The following NXF1 variants were observed in gnomAD, a reference collection of about 807,000 sequenced individuals.
NXF1 encodes the protein nuclear RNA export factor 1.
In NXF1, 43 loss-of-function variants were observed where a neutral mutation model predicts 92.4. The observed-to-expected ratio is 0.47, with a 90% CI of 0.36 to 0.60. The LOEUF (loss-of-function observed/expected upper bound fraction) is 0.60, where lower values mean the gene tolerates loss of function less well. Ranked by LOEUF, NXF1 falls within the 20% of genes least tolerant of loss-of-function variation. The pLI, the probability that NXF1 is intolerant of heterozygous loss-of-function variation, is 0.00. For missense variants in NXF1, 576 were observed against 793.0 expected (o/e 0.73, Z 3.29); for synonymous variants, 288 against 292.2 (o/e 0.99, Z 0.15).
intron 9 of NXF1, 80 bp from the exon 10 acceptor site, chr11:62,800,566 CT>C: frequency 1.2e-6 from 1 of 844,978 alleles, no homozygotes; most frequent in Non-Finnish European, 1.9e-6. Context: ...AGTCCCTACG[CT>C]TAGCTCTGAG....
chr11:62,794,186 GTC>G (rs2084397539), intron 19 of NXF1, 70 bp downstream of exon 19: 1 of 1,423,028 alleles, frequency 7.0e-7, no homozygotes, highest in Non-Finnish European at 9.6e-7. Flanking sequence ...CAAAAAAACT[GTC>G]AGGAGCCCTC....
At chr11:62,801,899 C>A in intron 5 of NXF1, 43 bp downstream of exon 5, 4 of 1,605,344 alleles carry the variant, frequency 2.5e-6, no homozygotes, top group Non-Finnish European at 3.4e-6. Context: ...CTGCTCTGAG[C>A]ACCAACCTCC....
In NXF1 at chr11:62,805,342, C is replaced by T. The variant is rs2084525871; in HGVS notation, c.15G>A (p.Gly5=). ...ACCAGCACTTACCGCTGTACGACTT[C>T]CCCTCGTCCGCCATGCCACAGCGAA... MADE[G]KSYSEHDDER... The change falls in exon 1 of 21, where the codon GGG becomes GGA. Residue 5 remains glycine, a synonymous_variant. Transcript: ENST00000294172. The T allele has an allele frequency of 1.9e-6, 3 of 1,611,374 alleles. No homozygotes were observed. The highest frequency in any genetic ancestry group is 1.3e-5 in the African/African-American group (1 of 74,724).
At chr11:62,799,118 G>T in intron 10 of NXF1, 1 of 984,112 alleles carries the variant, frequency 1.0e-6, no homozygotes, top group Non-Finnish European at 1.2e-6. Context: ...GATGGGGCAG[G>T]GGCAAGGGAG....
intron 10 of NXF1, chr11:62,798,803 T>G (rs2084448086): frequency 7.4e-7 from 1 of 1,357,494 alleles, no homozygotes; most frequent in Non-Finnish European, 9.5e-7. Flanking sequence ...TGCCTGACCC[T>G]GAGTGTCAAG....
Position 62,792,907 on chromosome 11 carries a change from G to A in NXF1, c.1761-206C>T, listed in dbSNP as rs923461778. 89 of 585,400 alleles carry A rather than the reference G, an allele frequency of 1.5e-4. No homozygotes were observed. The Admixed American group carries it at 2.7e-3, about 18-fold the overall frequency. The allele number at this position is 585,400 out of a possible 1,614,324, so 36.3% of individuals were successfully genotyped here. On this transcript the variant is annotated intron_variant, in intron 19 of 20. Transcript: ENST00000294172. ...ATAAGGAATATTAAATAGCTGTCAA[G>A]AAGCTCAAGATAGTTTTTACAGTGG... is the stretch of plus-strand genomic sequence containing the variant.
chr11:62,801,124 G>A lies in NXF1; in HGVS notation c.876C>T (p.Asn292=). The A allele has an allele frequency of 1.2e-6, 2 of 1,614,102 alleles. No individual in the cohort carries two copies. The highest frequency in any genetic ancestry group is 1.7e-6 in the Non-Finnish European group (2 of 1,179,956). Residue 292 remains asparagine, a synonymous_variant, in exon 9 of 21, where the codon AAC becomes AAT. Coordinates refer to ENST00000294172, the MANE Select transcript of NXF1 (RefSeq NM_006362.5). ...TTCCAGAAAGGTTTAGGATCTTCAG[G>A]TTGGGTGCCTTCTGAACAATGCTAG... ...DMSSIVQKAP[N]LKILNLSGNE...
intron 3 of NXF1, among the ~76,000 whole-genome samples, chr11:62,802,796 A>G (rs2084493505): frequency 6.6e-6 from 1 of 151,998 alleles, no homozygotes; most frequent in Non-Finnish European, 1.5e-5. Context: ...AAGTTCCAAG[A>G]TATTATTTAC....
rs111401731 is a variant in NXF1, at chr11:62,805,374, G to A, written c.-18C>T. ...TCCGCCATGCCACAGCGAAGATCAA[G>A]GGCGGGCTCAGGCGCTGGCCGCTAC... On this transcript the variant is annotated 5_prime_UTR_variant, in exon 1 of 21. Coordinates refer to ENST00000294172, the MANE Select transcript of NXF1 (RefSeq NM_006362.5). The A allele has an allele frequency of 5.6e-6, 9 of 1,610,952 alleles. No individual in the cohort carries two copies. In the Admixed American group the frequency reaches 8.4e-5, roughly 15 times the overall value.
In NXF1 at chr11:62,805,412, C is replaced by T. The variant is rs781096992; in HGVS notation, c.-56G>A. On this transcript the variant is annotated 5_prime_UTR_variant, in exon 1 of 21. Transcript: ENST00000294172. ...CGCTGGCCGCTACGCCGGCAAACAA[C>T]CTAACTCCCAAGCGCTCAGGACCGA... 3.7e-6 allele frequency: 6 copies of T among 1,606,108 alleles called. No homozygotes were observed. Among genetic ancestry groups the T allele is most frequent in the South Asian group, 1.1e-5 (1 of 89,418 alleles).
In NXF1 at chr11:62,801,829, A is replaced by G; in HGVS notation, c.559-10T>C. The G allele has an allele frequency of 6.2e-7, 1 of 1,612,080 alleles. No homozygotes were observed. On this transcript the variant is annotated splice_polypyrimidine_tract_variant and intron_variant, in intron 5 of 20. Coordinates refer to ENST00000294172, the MANE Select transcript of NXF1 (RefSeq NM_006362.5). The stretch of plus-strand genomic sequence containing the variant: ...TGATGATGATAGATATCTGGAGGGA[A>G]GACACAGAGGGCACAGAAAACTCTA...
chr11:62,798,647 T>C, intron 10 of NXF1, 72 bp from the exon 11 acceptor site: 1 of 1,604,192 alleles, frequency 6.2e-7, no homozygotes, highest in East Asian at 2.2e-5. Context: ...TAGGAGCAAA[T>C]ATACCAAACC....
chr11:62,795,127 A>G, intron 17 of NXF1, 120 bp from the exon 18 acceptor site: 2 of 936,290 alleles, frequency 2.1e-6, no homozygotes, highest in South Asian at 3.0e-5. Flanking sequence ...ATGATTAAGT[A>G]TATAAGGGTA....
intron 20 of NXF1, 29 bp downstream of exon 20, chr11:62,792,612 C>G (rs2084376678): frequency 6.2e-7 from 1 of 1,614,120 alleles, no homozygotes; most frequent in Non-Finnish European, 8.5e-7. Context: ...AGATCCTAGT[C>G]TTTTTGCCAC....
chr11:62,796,555 A>T lies in NXF1; in HGVS notation c.1191T>A (p.Ile397=). ...VLHFLQQYYA[I]YDSGDRQGLL... ...GCCCTTGTCGGTCTCCAGAGTCGTA[A>T]ATTGCATAGTACCTATGGGAAAAAC... Residue 397 remains isoleucine, a synonymous_variant, in exon 14 of 21, where the codon ATT becomes ATA. Coordinates refer to ENST00000294172, the MANE Select transcript of NXF1 (RefSeq NM_006362.5). 1 of 1,611,650 alleles carries T rather than the reference A, an allele frequency of 6.2e-7. No homozygotes were observed. Among genetic ancestry groups the T allele is most frequent in the Non-Finnish European group, 8.5e-7 (1 of 1,177,768 alleles).
chr11:62,804,093 G>A (rs1356991058), intron 1 of NXF1, 115 bp from the exon 2 acceptor site: 1 of 1,587,726 alleles, frequency 6.3e-7, no homozygotes, highest in South Asian at 1.1e-5. Flanking sequence ...AACGACAGAG[G>A]CCATCTCCAT....
intron 3 of NXF1, among the ~76,000 whole-genome samples, chr11:62,803,176 G>A (rs764043914): frequency 1.2e-4 from 19 of 152,036 alleles, no homozygotes; most frequent in African/African-American, 2.7e-4. Flanking sequence ...AAAATTAGCC[G>A]GGCGTGGTGG....
At chr11:62,800,304 T>G in intron 10 of NXF1, 73 bp downstream of exon 10, 1 of 1,607,356 alleles carries the variant, frequency 6.2e-7, no homozygotes, top group Non-Finnish European at 8.5e-7. Flanking sequence ...AGACGGGCCC[T>G]GGTCAGGATG....
intron 18 of NXF1, 113 bp from the exon 19 acceptor site, chr11:62,794,553 T>C: frequency 5.6e-6 from 5 of 897,506 alleles, no homozygotes; most frequent in Non-Finnish European, 8.5e-6. Context: ...CACTCTTAGC[T>C]ATTGTTACCT....
Sources: allele counts gnomAD v4.1 joint callset (sites outside exome capture counted in the v4.1 genomes callset), GRCh38; gene constraint gnomAD v4.1.1; transcripts MANE v1.5; gene names NCBI Gene and HGNC (gene_info 2026-07-23, HGNC 2026-07-21).